The following CNTLN variants were observed in gnomAD, a reference collection of about 807,000 sequenced individuals.
CNTLN encodes centlein, centrosomal protein.
A neutral mutation model predicts 180.0 loss-of-function variants in CNTLN; 212 were observed. The observed-to-expected ratio is 1.18, with a 90% CI of 1.05 to 1.32. The LOEUF (loss-of-function observed/expected upper bound fraction) is 1.32, where lower values mean the gene tolerates loss of function less well. Ranked by LOEUF, CNTLN falls within the 40% of genes most tolerant of loss-of-function variation. The probability of loss-of-function intolerance (pLI) is 0.00; values close to 1 mark genes in which losing one functional copy is unlikely to be tolerated. For synonymous variants in CNTLN, 722 were observed against 563.1 expected, an observed-to-expected ratio of 1.28 and a Z score of -3.99; for missense variants, 2,095 against 1,610.9, an observed-to-expected ratio of 1.30 and a Z score of -5.14.
chr9:17,507,069 T>C (rs1171573834), downstream of CNTLN, among the ~76,000 whole-genome samples: 1 of 152,156 alleles, frequency 6.6e-6, no homozygotes, highest in Non-Finnish European at 1.5e-5. Flanking sequence ...TTCTGAGCTT[T>C]GAGTTTCTAA....
At chr9:17,508,770 G>A (rs1833977617), downstream of CNTLN, among the ~76,000 whole-genome samples, 3 of 152,258 alleles carry the variant, frequency 2.0e-5, no homozygotes, top group South Asian at 4.1e-4. Context: ...TTGCTGAGTA[G>A]CATCTCATTA....
Position 17,207,505 on chromosome 9 carries a change from C to T in CNTLN, c.450-18698C>T, listed in dbSNP as rs1292498131. Among the ~76,000 whole-genome samples, 7 of 152,264 alleles carry T rather than the reference C, an allele frequency of 4.6e-5. No homozygotes were observed. In the South Asian group the frequency reaches 6.2e-4, roughly 14 times the overall value. Reference sequence around the variant, plus strand: ...GGTGTCAGCACACGAGGGAATCTTCCGTTGTGCAGACTGCAAAAACCGTGG... The same window carrying T: ...GGTGTCAGCACACGAGGGAATCTTCTGTTGTGCAGACTGCAAAAACCGTGG... On this transcript the variant is annotated intron_variant, in intron 2 of 25. Coordinates refer to ENST00000380647, the MANE Select transcript of CNTLN (RefSeq NM_017738.4).
intron 8 of CNTLN, among the ~76,000 whole-genome samples, chr9:17,321,719 T>G (rs531383469): frequency 6.6e-6 from 1 of 152,190 alleles, no homozygotes; most frequent in African/African-American, 2.4e-5. Flanking sequence ...GTACCTTTAC[T>G]TGGGCTCAGA....
Position 17,155,913 on chromosome 9 carries a change from G to A in CNTLN, c.449+12537G>A, listed in dbSNP as rs147839316. ...TCCTGGTTTGCGGGATGTAAAGACC[G>A]TGGGACAAGCACAGTATCTGTGCTG... On this transcript the variant is annotated intron_variant, in intron 2 of 25. Transcript: ENST00000380647. Among the ~76,000 whole-genome samples, 254 of 152,296 alleles carry A rather than the reference G, an allele frequency of 1.7e-3. 1 individual carries two copies. Among genetic ancestry groups the A allele is most frequent in the African/African-American group, 5.6e-3 (233 of 41,570 alleles).
chr9:17,284,382 C>A (rs1314232723), intron 6 of CNTLN, among the ~76,000 whole-genome samples: 2 of 152,064 alleles, frequency 1.3e-5, no homozygotes, highest in African/African-American at 2.4e-5. Flanking sequence ...GCTGTAAATC[C>A]ACTGGTCATG....
At chr9:17,149,849 A>G (rs1268100451) in intron 2 of CNTLN, among the ~76,000 whole-genome samples, 1 of 151,840 alleles carries the variant, frequency 6.6e-6, no homozygotes, top group Admixed American at 6.6e-5. Flanking sequence ...CACAATTCTA[A>G]CTGGCGTGAG....
At chr9:17,243,931 T>C (rs931787419) in intron 5 of CNTLN, among the ~76,000 whole-genome samples, 4 of 152,206 alleles carry the variant, frequency 2.6e-5, no homozygotes, top group East Asian at 3.8e-4. Context: ...TGTTATTGTA[T>C]TGGGGACTAT....
At chr9:17,320,954 C>T (rs927318039) in intron 8 of CNTLN, among the ~76,000 whole-genome samples, 1 of 152,206 alleles carries the variant, frequency 6.6e-6, no homozygotes, top group African/African-American at 2.4e-5. Flanking sequence ...AAGTTATCTT[C>T]TCACAGTATG....
Position 17,288,546 on chromosome 9 carries a change from C to G in CNTLN, c.984-9644C>G, listed in dbSNP as rs1829145698. ...CGTCCACTTGGTGCAGAGCTGAGTT[C>G]AATTCCTGGGTATCTTTGTTGACTT... On this transcript the variant is annotated intron_variant, in intron 6 of 25. Coordinates refer to ENST00000380647, the MANE Select transcript of CNTLN (RefSeq NM_017738.4). Among the ~76,000 whole-genome samples, 5 of 132,378 alleles carry G rather than the reference C, an allele frequency of 3.8e-5. 1 individual carries two copies. In the South Asian group the frequency reaches 1.5e-3, roughly 40 times the overall value. 86.8% of individuals were successfully genotyped at this position (132,378 alleles called of 152,430 possible). A position where few individuals can be genotyped will look rare whatever the true frequency, so the allele number is the denominator to read the frequency against.
intron 3 of CNTLN, among the ~76,000 whole-genome samples, chr9:17,231,825 C>T (rs1407770436): frequency 1.3e-5 from 2 of 151,752 alleles, no homozygotes; most frequent in Non-Finnish European, 2.9e-5. Context: ...TACCCCCCAC[C>T]CATTTTTATG....
At chr9:17,164,464 T>TG (rs1439381290) in intron 2 of CNTLN, among the ~76,000 whole-genome samples, 1 of 138,870 alleles carries the variant, frequency 7.2e-6, no homozygotes, top group African/African-American at 2.7e-5. Context: ...TATGTTTTTT[T>TG]TTTTTTTTTT....
intron 7 of CNTLN, chr9:17,300,684 G>A (rs963870733): frequency 2.6e-5 from 4 of 152,116 alleles, no homozygotes; most frequent in African/African-American, 9.7e-5. Context: ...AGTCCCTCCA[G>A]TGGTTTCCCA....
chr9:17,144,974 T>C (rs960361705), intron 2 of CNTLN, among the ~76,000 whole-genome samples: 2 of 151,192 alleles, frequency 1.3e-5, no homozygotes, highest in Non-Finnish European at 3.0e-5. Flanking sequence ...CCCGAGTAGC[T>C]GGGACTACAG....
At chr9:17,319,317 G>A (rs1395528285) in intron 8 of CNTLN, among the ~76,000 whole-genome samples, 2 of 152,330 alleles carry the variant, frequency 1.3e-5, no homozygotes, top group East Asian at 3.9e-4. Context: ...CTGGGCTGGG[G>A]CCTGAGATTC....
chr9:17,483,023 AT>A (rs1402429661), intron 23 of CNTLN, among the ~76,000 whole-genome samples: 1 of 152,154 alleles, frequency 6.6e-6, no homozygotes, highest in African/African-American at 2.4e-5. Context: ...GAAAAGATTC[AT>A]TAATTTGAAT....
intron 7 of CNTLN, among the ~76,000 whole-genome samples, chr9:17,308,674 A>G (rs920728297): frequency 2.0e-5 from 3 of 151,662 alleles, no homozygotes; most frequent in Admixed American, 6.6e-5. Flanking sequence ...GTCAATTCCA[A>G]TTATATTGTC....
At chr9:17,482,157 C>G (rs1832682107) in intron 23 of CNTLN, among the ~76,000 whole-genome samples, 2 of 151,936 alleles carry the variant, frequency 1.3e-5, no homozygotes, top group Non-Finnish European at 2.9e-5. Context: ...AAAGTTCAGT[C>G]AACTATGAGA....
chr9:17,340,649 A>C (rs772135543), intron 10 of CNTLN, among the ~76,000 whole-genome samples, 178 bp from the exon 11 acceptor site: 2 of 152,240 alleles, frequency 1.3e-5, no homozygotes, highest in Non-Finnish European at 2.9e-5. Context: ...TTTATCAAGC[A>C]AATGTATTCT....
intron 15 of CNTLN, among the ~76,000 whole-genome samples, chr9:17,395,516 T>C (rs1027111339): frequency 6.6e-6 from 1 of 152,192 alleles, no homozygotes; most frequent in African/African-American, 2.4e-5. Flanking sequence ...TAGATAAATT[T>C]TGAATGACCC....
Sources: gnomAD v4.1 joint callset for allele counts (sites outside exome capture counted in the v4.1 genomes callset) on GRCh38, gnomAD v4.1.1 for gene constraint, MANE v1.5 for transcripts, NCBI Gene and HGNC (gene_info 2026-07-23, HGNC 2026-07-21) for gene names.